TENM3: variants seen among roughly 807,000 people sequenced by gnomAD.
The protein encoded by TENM3 is teneurin transmembrane protein 3, also known as teneurin-3.
TENM3 carries 63 observed loss-of-function variants against 255.1 expected under a neutral mutation model. The ratio of observed to expected loss-of-function variants is 0.25; its 90% CI spans 0.20 to 0.30. The LOEUF (loss-of-function observed/expected upper bound fraction) is 0.30. Among genes scored for constraint, TENM3 ranks in the 10% least tolerant of loss-of-function variants. TENM3 has a pLI of 1.00. For synonymous variants in TENM3, 1,306 were observed against 1,322.3 expected (o/e 0.99, Z 0.27); for missense variants, 2,929 against 3,461.1 (o/e 0.85, Z 3.86).
chr4:181,845,518 C>A, the TENM3 span, among the ~76,000 whole-genome samples: 4 of 152,270 alleles, frequency 2.6e-5, no homozygotes, highest in Admixed American at 6.5e-5. Flanking sequence ...TATACACATA[C>A]ACACACATAC....
At chr4:182,697,818 T>C (rs1251742042) in intron 12 of TENM3, 3 of 152,338 alleles carry the variant, frequency 2.0e-5, no homozygotes, top group African/African-American at 7.2e-5. Flanking sequence ...TAATCTCTTT[T>C]CTACAAATGC....
At chr4:181,762,003 T>C in the TENM3 span, among the ~76,000 whole-genome samples, 135,549 of 152,186 alleles carry the variant, frequency 0.89, 60,510 homozygotes, top group East Asian at 0.94. Flanking sequence ...TGTTGGTCCA[T>C]GTGGGCTCAC....
chr4:182,403,206 C>T lies in TENM3; in HGVS notation c.511+56277C>T, dbSNP rs7694768. ...GCTGTAAGTCCTAGGGTTGATTGGTCAAGAATAAGATTTCTCCAGTAAGAC... is the reference window on the plus strand; with the variant it reads ...GCTGTAAGTCCTAGGGTTGATTGGTTAAGAATAAGATTTCTCCAGTAAGAC... On this transcript the variant is annotated intron_variant, in intron 3 of 27. Transcript: ENST00000511685. 2.0e-5 allele frequency among the ~76,000 whole-genome samples: 3 copies of T among 152,066 alleles called. 1 individual carries two copies. In the East Asian group the frequency reaches 5.8e-4, roughly 29 times the overall value.
In TENM3 at chr4:182,473,722, G is replaced by A. The variant is rs900402050; in HGVS notation, c.511+126793G>A. The stretch of plus-strand genomic sequence containing the variant: ...ATTTGTGGCCAGGCACTGTGGCTCC[G>A]CAATTTTGGAGGCCGAGGTGGGAGG... On this transcript the variant is annotated intron_variant, in intron 3 of 27. Coordinates refer to ENST00000511685, the MANE Select transcript of TENM3 (RefSeq NM_001080477.4). Among the ~76,000 whole-genome samples the A allele has an allele frequency of 3.9e-5, 6 of 152,040 alleles. No homozygotes were observed. In the East Asian group the frequency reaches 9.7e-4, roughly 25 times the overall value.
At chr4:182,354,939 T>C (rs946436034) in intron 3 of TENM3, among the ~76,000 whole-genome samples, 1 of 152,176 alleles carries the variant, frequency 6.6e-6, no homozygotes. Flanking sequence ...AAATGCTGGA[T>C]ATGGTACCAG....
At chr4:182,555,221 T>C (rs533055717) in intron 3 of TENM3, among the ~76,000 whole-genome samples, 125 of 152,340 alleles carry the variant, frequency 8.2e-4, no homozygotes, top group African/African-American at 2.8e-3. Flanking sequence ...CAGTACATTT[T>C]TTTTTAATAT....
the TENM3 span, among the ~76,000 whole-genome samples, chr4:181,460,672 A>T: frequency 1.0e-5 from 1 of 98,616 alleles, no homozygotes; most frequent in Admixed American, 1.7e-4. Flanking sequence ...CTTACTAGCT[A>T]TAGTTCTTTT....
intron 6 of TENM3, among the ~76,000 whole-genome samples, chr4:182,656,877 A>G (rs1753800121): frequency 6.6e-6 from 1 of 152,206 alleles, no homozygotes. Context: ...TTTCTGTTAT[A>G]TGCCATCATC....
intron 3 of TENM3, among the ~76,000 whole-genome samples, chr4:182,368,251 G>A (rs1037823554): frequency 1.3e-5 from 2 of 152,214 alleles, no homozygotes; most frequent in Non-Finnish European, 2.9e-5. Flanking sequence ...ATCAGAGGCA[G>A]GATGGTGCAA....
At chr4:181,528,135 AT>A in the TENM3 span, among the ~76,000 whole-genome samples, 1 of 151,018 alleles carries the variant, frequency 6.6e-6, no homozygotes, top group African/African-American at 2.4e-5. Flanking sequence ...ACATTCTGTG[AT>A]TTAAAATTTT....
Position 182,628,534 on chromosome 4 carries a change from T to C in TENM3, c.750-117T>C, listed in dbSNP as rs141220601. ...AATGTTTTAGGTTATATAGGATAAA[T>C]TCTTTTAAAAAAGAGAGAGAGAGCA... is the stretch of plus-strand genomic sequence containing the variant. On this transcript the variant is annotated intron_variant, in intron 4 of 27. Coordinates refer to ENST00000511685, the MANE Select transcript of TENM3 (RefSeq NM_001080477.4). 1.1e-3 allele frequency: 723 copies of C among 663,532 alleles called. 4 individuals are homozygous for C. The African/African-American group carries it at 0.012, about 11-fold the overall frequency. The allele number at this position is 663,532 out of a possible 1,614,324, so 41.1% of individuals were successfully genotyped here.
the TENM3 span, among the ~76,000 whole-genome samples, chr4:181,845,671 G>A: frequency 1.3e-5 from 2 of 152,214 alleles, no homozygotes; most frequent in Non-Finnish European, 2.9e-5. Flanking sequence ...TGCACCACAT[G>A]ACTGGTAAGA....
chr4:182,073,342 T>G, the TENM3 span, among the ~76,000 whole-genome samples: 1 of 152,120 alleles, frequency 6.6e-6, no homozygotes, highest in African/African-American at 2.4e-5. Flanking sequence ...GTGGGGATTA[T>G]GGGGATTACA....
intron 19 of TENM3, among the ~76,000 whole-genome samples, chr4:182,749,861 A>G (rs1561196911): frequency 6.6e-6 from 1 of 152,218 alleles, no homozygotes; most frequent in Non-Finnish European, 1.5e-5. Flanking sequence ...AGGAAAGACT[A>G]GAGGGGCCTC....
chr4:181,564,033 CTTTTTTCT>C, the TENM3 span, among the ~76,000 whole-genome samples: 4 of 49,472 alleles, frequency 8.1e-5, no homozygotes, highest in African/African-American at 2.8e-4. Flanking sequence ...CTTTTCTTTT[CTTTTTTCT>C]TTTTTTTTTT....
chr4:182,623,119 T>C (rs1253839295), intron 4 of TENM3, among the ~76,000 whole-genome samples: 3 of 151,242 alleles, frequency 2.0e-5, no homozygotes, highest in East Asian at 3.9e-4. Context: ...CACGCCATTC[T>C]CCTGCCTCAG....
chr4:182,496,807 C>T (rs1183315737), intron 3 of TENM3, among the ~76,000 whole-genome samples: 14 of 152,056 alleles, frequency 9.2e-5, no homozygotes, highest in South Asian at 4.1e-4. Context: ...GAAATGAAGC[C>T]GTCCCTGGGA....
chr4:182,362,455 A>G (rs6552558), intron 3 of TENM3, among the ~76,000 whole-genome samples: 150,727 of 151,356 alleles, frequency 1, 75,050 homozygotes, highest in Middle Eastern at 1. Flanking sequence ...CCTCACTGCC[A>G]CCTTGCAGTT....
chr4:182,672,937 T>C, intron 6 of TENM3, 68 bp from the exon 7 acceptor site: 1 of 1,226,684 alleles, frequency 8.2e-7, no homozygotes, highest in East Asian at 2.6e-5. Flanking sequence ...TCAAAAAGTT[T>C]AAAAACCTTT....
Sources: gnomAD v4.1 joint callset for allele counts (sites outside exome capture counted in the v4.1 genomes callset) on GRCh38, gnomAD v4.1.1 for gene constraint, MANE v1.5 for transcripts, NCBI Gene and HGNC (gene_info 2026-07-23, HGNC 2026-07-21) for gene names.